Variants in SLC28A2 observed in about 807,000 individuals in gnomAD.
SLC28A2 encodes sodium/nucleoside cotransporter 2.
Under a neutral mutation model 72.9 loss-of-function variants are expected in SLC28A2, and 69 were observed. The observed-to-expected ratio is 0.95, with a 90% CI of 0.78 to 1.16. The LOEUF (loss-of-function observed/expected upper bound fraction) is 1.16, where lower values mean the gene tolerates loss of function less well. SLC28A2 is among the 50% of genes most tolerant of loss of function. The pLI is 0.00. For missense variants in SLC28A2, 745 were observed against 791.1 expected, an observed-to-expected ratio of 0.94 and a Z score of 0.70; for synonymous variants, 296 against 294.1, an observed-to-expected ratio of 1.01 and a Z score of -0.07.
At chr15:45,268,465 A>C in intron 13 of SLC28A2, 87 bp downstream of exon 13, 1 of 1,119,240 alleles carries the variant, frequency 8.9e-7, no homozygotes, top group Non-Finnish European at 1.3e-6. Context: ...AACCACAATG[A>C]GATACCATCT....
chr15:45,253,274 TGAA>T lies in SLC28A2; in HGVS notation c.60_62del (p.Asn21del). The T allele has an allele frequency of 6.2e-7, 1 of 1,613,642 alleles. No individual in the cohort carries two copies. ...CTGTCCACAGTGGAGACTGGCACAG[TGAA>T]CCCGGGGCTGGAGCTCATGGTAATC... On this transcript the variant is annotated inframe_deletion, in exon 2 of 18. Coordinates refer to ENST00000347644, the MANE Select transcript of SLC28A2 (RefSeq NM_004212.4).
At chr15:45,264,800 T>A (rs1373292246) in intron 7 of SLC28A2, 32 bp downstream of exon 7, 1 of 1,316,462 alleles carries the variant, frequency 7.6e-7, no homozygotes, top group African/African-American at 1.4e-5. Flanking sequence ...GGCTTTTCTC[T>A]TTTAGAACCC....
intron 3 of SLC28A2, chr15:45,255,966 G>T (rs547943710): frequency 6.6e-6 from 1 of 152,302 alleles, no homozygotes; most frequent in South Asian, 2.1e-4. Context: ...TTTTGGGCAA[G>T]TTATTTACCC....
At chr15:45,265,780 C>T in intron 9 of SLC28A2, 117 bp downstream of exon 9, 2 of 767,584 alleles carry the variant, frequency 2.6e-6, no homozygotes, top group Admixed American at 4.0e-5. Flanking sequence ...AAAGGCAGGC[C>T]CTCTCAAGCA....
chr15:45,275,304 T>C, intron 17 of SLC28A2, 92 bp from the exon 18 acceptor site: 1 of 744,838 alleles, frequency 1.3e-6, no homozygotes, highest in South Asian at 1.7e-5. Context: ...GTTTTTGTTT[T>C]TGTTTTCAGC....
In SLC28A2 at chr15:45,266,110, C is replaced by A. The variant is rs754343659; in HGVS notation, c.891C>A (p.Gly297=). Residue 297 remains glycine, a synonymous_variant, in exon 10 of 18, where the codon GGC becomes GGA. Coordinates refer to ENST00000347644, the MANE Select transcript of SLC28A2 (RefSeq NM_004212.4). ...CCTGGTTTTTACAAATCACTATGGG[C>A]ACCACTGCTACAGAGACCCTGGCTG... ...KVAWFLQITM[G]TTATETLAVA... 6.2e-7 allele frequency: 1 copy of A among 1,613,576 alleles called. No individual in the cohort carries two copies. Among genetic ancestry groups the A allele is most frequent in the South Asian group, 1.1e-5 (1 of 91,068 alleles).
chr15:45,263,747 C>T (rs1435414735), intron 5 of SLC28A2, 134 bp from the exon 6 acceptor site: 4 of 796,222 alleles, frequency 5.0e-6, no homozygotes, highest in Non-Finnish European at 7.7e-6. Flanking sequence ...CTACAGCAGC[C>T]ACAGCTCTAA....
Position 45,268,357 on chromosome 15 carries a change from C to T in SLC28A2, c.1347C>T (p.Asp449=), listed in dbSNP as rs1209744024. 6.3e-7 allele frequency: 1 copy of T among 1,596,026 alleles called. No homozygotes were observed. The highest frequency in any genetic ancestry group is 1.1e-5 in the South Asian group (1 of 90,238). The change falls in exon 13 of 18, where the codon GAC becomes GAT. Residue 449 remains aspartate (D), a synonymous_variant. Transcript: ENST00000347644. ...AALSWLGELV[D]IQGLTFQVIC... Reference sequence around the variant, plus strand: ...TCTCCTGGCTGGGGGAATTGGTGGACATACAGGGGCTCACTTTCCAGGTAA... The same window carrying T: ...TCTCCTGGCTGGGGGAATTGGTGGATATACAGGGGCTCACTTTCCAGGTAA...
chr15:45,253,574 C>A, intron 3 of SLC28A2, 54 bp downstream of exon 3: 1 of 1,169,614 alleles, frequency 8.5e-7, no homozygotes, highest in Non-Finnish European at 1.3e-6. Context: ...GGTGGGCTGC[C>A]CCTTCAGGCA....
At chr15:45,271,971 G>A in intron 15 of SLC28A2, 1 of 255,352 alleles carries the variant, frequency 3.9e-6, no homozygotes, top group Non-Finnish European at 7.5e-6. Flanking sequence ...CTCAAGCAGT[G>A]AACGCCAGGC....
In SLC28A2 at chr15:45,277,325, C is replaced by A. The variant is rs973371843; in HGVS notation, c.*1812C>A. 2 of 151,880 alleles carry A rather than the reference C, an allele frequency of 1.3e-5. No homozygotes were observed. The highest frequency in any genetic ancestry group is 2.4e-5 in the African/African-American group (1 of 41,362). 9.4% of individuals were successfully genotyped at this position (151,880 alleles called of 1,614,324 possible). On this transcript the variant is annotated 3_prime_UTR_variant, in exon 18 of 18. Transcript: ENST00000347644. ...TACCATAGAGCCCCACAATTCCACT[C>A]CTACATACACATTCAAAAGAATCAA...
At chr15:45,263,271 C>T (rs1314236614) in intron 5 of SLC28A2, 27 bp downstream of exon 5, 1 of 1,606,740 alleles carries the variant, frequency 6.2e-7, no homozygotes, top group Admixed American at 1.7e-5. Context: ...AATACCTGGC[C>T]TCACAGCTTA....
rs751385444 is a variant in SLC28A2, at chr15:45,272,623, A to G, written c.1748-50A>G. The stretch of plus-strand genomic sequence containing the variant: ...CGTGCCAAAAGAATAAAGAGCCTTG[A>G]GAAGCACGTGTCAGATCTTCCCCTT... On this transcript the variant is annotated intron_variant, in intron 16 of 17. Transcript: ENST00000347644. 43 of 1,084,992 alleles carry G rather than the reference A, an allele frequency of 4.0e-5. No individual in the cohort carries two copies. The Admixed American group carries it at 7.2e-4, about 18-fold the overall frequency. The allele number at this position is 1,084,992 out of a possible 1,614,324, so 67.2% of individuals were successfully genotyped here. A position where few individuals can be genotyped will look rare whatever the true frequency, so the allele number is the denominator to read the frequency against.
chr15:45,268,639 C>A (rs1372609720), intron 13 of SLC28A2, among the ~76,000 whole-genome samples: 1 of 152,082 alleles, frequency 6.6e-6, no homozygotes, highest in African/African-American at 2.4e-5. Flanking sequence ...ACTAGAAATA[C>A]CATTTGACCC....
chr15:45,275,245 G>T, intron 17 of SLC28A2, 151 bp from the exon 18 acceptor site: 1 of 634,472 alleles, frequency 1.6e-6, no homozygotes, highest in South Asian at 2.0e-5. Context: ...AATGAGAAAA[G>T]AAACATAATT....
intron 17 of SLC28A2, among the ~76,000 whole-genome samples, chr15:45,273,590 G>A (rs1900657966): frequency 6.6e-6 from 1 of 152,196 alleles, no homozygotes; most frequent in Non-Finnish European, 1.5e-5. Context: ...TTGACCTGCT[G>A]AATTCTGAAC....
Position 45,264,497 on chromosome 15 carries a change from C to G in SLC28A2, c.589-158C>G. On this transcript the variant is annotated intron_variant, in intron 6 of 17. Transcript: ENST00000347644. ...ATGTGGCTTTTTGTATATTACTGCC[C>G]TGTTTCTCCCTACCATTGCCCCTGC... 5.0e-6 allele frequency: 3 copies of G among 605,292 alleles called. No individual in the cohort carries two copies. The South Asian group carries it at 6.1e-5, about 12-fold the overall frequency. The allele number at this position is 605,292 out of a possible 1,614,324, so 37.5% of individuals were successfully genotyped here. A position where few individuals can be genotyped will look rare whatever the true frequency, so the allele number is the denominator to read the frequency against.
chr15:45,267,667 T>A lies in SLC28A2; in HGVS notation c.1070T>A (p.Val357Asp), dbSNP rs1295984592. The change falls in exon 12 of 18, where the codon GTT (valine) becomes GAT (aspartate). Residue 357 changes from valine (V) to aspartate (D), a missense_variant and splice_region_variant. Coordinates refer to ENST00000347644, the MANE Select transcript of SLC28A2 (RefSeq NM_004212.4). ...ATGCCTAAGTCTGGCGCCTCACAGGTTGATGCATCATCCCTGATTTCTGCC... is the reference window on the plus strand; with the variant it reads ...ATGCCTAAGTCTGGCGCCTCACAGGATGATGCATCATCCCTGATTTCTGCC... ...TVLGAFIAFG[V>D]DASSLISASV... 3 of 1,614,096 alleles carry A rather than the reference T, an allele frequency of 1.9e-6. No individual in the cohort carries two copies. The South Asian group carries it at 3.3e-5, about 18-fold the overall frequency.
Position 45,272,802 on chromosome 15 carries a change from A to G in SLC28A2, c.1859+18A>G. 1.5e-6 allele frequency: 2 copies of G among 1,348,796 alleles called. No individual in the cohort carries two copies. Among genetic ancestry groups the G allele is most frequent in the Non-Finnish European group, 2.1e-6 (2 of 938,094 alleles). The allele number at this position is 1,348,796 out of a possible 1,614,324, so 83.6% of individuals were successfully genotyped here. On this transcript the variant is annotated intron_variant, in intron 17 of 17. Transcript: ENST00000347644. ...TTTCAGAGGTGAGCACCAGGACCCCATTCCTTTCTCTCACACACGGCCCTC... is the reference window on the plus strand; with the variant it reads ...TTTCAGAGGTGAGCACCAGGACCCCGTTCCTTTCTCTCACACACGGCCCTC...
Sources: gnomAD v4.1 joint callset for allele counts (sites outside exome capture counted in the v4.1 genomes callset) on GRCh38, gnomAD v4.1.1 for gene constraint, MANE v1.5 for transcripts, NCBI Gene and HGNC (gene_info 2026-07-23, HGNC 2026-07-21) for gene names.